Variants in ATF7IP2 observed in about 807,000 individuals in gnomAD.
The protein encoded by ATF7IP2 is activating transcription factor 7 interacting protein 2.
A neutral mutation model predicts 64.2 loss-of-function variants in ATF7IP2; 42 were observed. The observed-to-expected ratio is 0.65, with a 90% CI of 0.51 to 0.85. The LOEUF (loss-of-function observed/expected upper bound fraction) is 0.85. ATF7IP2 is among the 40% of genes least tolerant of loss of function. The pLI is 0.00. For synonymous variants in ATF7IP2, 308 were observed against 272.8 expected (o/e 1.13, Z -1.27); for missense variants, 933 against 784.2 (o/e 1.19, Z -2.27).
intron 1 of ATF7IP2, among the ~76,000 whole-genome samples, chr16:10,404,852 C>T (rs1299102475): frequency 6.6e-6 from 1 of 152,028 alleles, no homozygotes; most frequent in East Asian, 1.9e-4. Flanking sequence ...CAGAAGTAAC[C>T]TTACAAGTCA....
intron 2 of ATF7IP2, among the ~76,000 whole-genome samples, chr16:10,417,895 A>G (rs573836553): frequency 6.6e-6 from 1 of 152,352 alleles, no homozygotes; most frequent in South Asian, 2.1e-4. Context: ...TGAGGGTGTC[A>G]TAAAAAAGGT....
intron 4 of ATF7IP2, among the ~76,000 whole-genome samples, 187 bp from the exon 5 acceptor site, chr16:10,430,424 C>G (rs1215041555): frequency 1.3e-5 from 2 of 151,794 alleles, no homozygotes; most frequent in East Asian, 3.9e-4. Flanking sequence ...TTTATAGAAA[C>G]AATAGAAAAG....
chr16:10,473,433 C>G (rs958972763), intron 10 of ATF7IP2, 46 bp from the exon 11 acceptor site: 2 of 1,169,226 alleles, frequency 1.7e-6, no homozygotes, highest in Non-Finnish European at 2.5e-6. Flanking sequence ...TCACAAAGCC[C>G]ATAAATATTG....
intron 8 of ATF7IP2, among the ~76,000 whole-genome samples, chr16:10,442,526 A>G (rs1177988235): frequency 6.6e-6 from 1 of 152,210 alleles, no homozygotes; most frequent in Non-Finnish European, 1.5e-5. Flanking sequence ...CAAGGGAAGT[A>G]AAAATAGAAG....
In ATF7IP2 at chr16:10,482,481, T is replaced by C. The variant is rs2050273469; in HGVS notation, c.*232T>C. The C allele has an allele frequency of 2.7e-6, 1 of 370,958 alleles. No homozygotes were observed. Among genetic ancestry groups the C allele is most frequent in the East Asian group, 5.3e-5 (1 of 18,896 alleles). 23.0% of individuals were successfully genotyped at this position (370,958 alleles called of 1,614,324 possible). ...AACATACGCTATCATTGGCCCATGT[T>C]GCTGAGGTGCATTGTGAACAATACC... On this transcript the variant is annotated 3_prime_UTR_variant, in exon 14 of 14. Coordinates refer to ENST00000562102, the MANE Select transcript of ATF7IP2 (RefSeq NM_001393719.1).
At chr16:10,440,511 G>C in intron 8 of ATF7IP2, 49 bp downstream of exon 8, 1 of 1,068,884 alleles carries the variant, frequency 9.4e-7, no homozygotes, top group Non-Finnish European at 1.4e-6. Flanking sequence ...ACTCATATAA[G>C]TGGTTTGATT....
chr16:10,390,738 GTGT>G (rs1481525263), intron 1 of ATF7IP2, among the ~76,000 whole-genome samples: 3 of 152,098 alleles, frequency 2.0e-5, no homozygotes, highest in Non-Finnish European at 2.9e-5. Context: ...GCAGTGAGCT[GTGT>G]TCATGCCACT....
At chr16:10,476,969 C>A (rs1446981791) in intron 12 of ATF7IP2, among the ~76,000 whole-genome samples, 1 of 152,102 alleles carries the variant, frequency 6.6e-6, no homozygotes, top group Non-Finnish European at 1.5e-5. Flanking sequence ...CATATACATG[C>A]ATGTATTTTT....
chr16:10,388,991 G>C (rs1212512817), intron 1 of ATF7IP2, among the ~76,000 whole-genome samples: 1 of 150,626 alleles, frequency 6.6e-6, no homozygotes, highest in African/African-American at 2.4e-5. Flanking sequence ...CATCCTGGGC[G>C]ACAGAGCAAG....
Position 10,431,302 on chromosome 16 carries a change from C to T in ATF7IP2, c.682C>T (p.Pro228Ser), listed in dbSNP as rs1226506794. 4 of 1,614,110 alleles carry T rather than the reference C, an allele frequency of 2.5e-6. No individual in the cohort carries two copies. In the African/African-American group the frequency reaches 5.3e-5, roughly 22 times the overall value. Residue 228 changes from proline (P) to serine (S), a missense_variant, in exon 5 of 14, where the codon CCT becomes TCT. Pro to Ser is a moderately conservative substitution (Grantham distance 74). Transcript: ENST00000562102. ...ATGTTCAGAAGACTCAGGTTTTGTG[C>T]CTGTTGAGAAAACACCTAATTTGGT... The part of the protein sequence containing the change: ...ILCSEDSGFV[P>S]VEKTPNLVNS...
In ATF7IP2 at chr16:10,483,615, G is replaced by A. The variant is rs1230760949; in HGVS notation, c.*1366G>A. The A allele has an allele frequency of 1.3e-5, 2 of 152,096 alleles. No individual in the cohort carries two copies. The highest frequency in any genetic ancestry group is 2.9e-5 in the Non-Finnish European group (2 of 68,002). 9.4% of individuals were successfully genotyped at this position (152,096 alleles called of 1,614,324 possible). On this transcript the variant is annotated 3_prime_UTR_variant, in exon 14 of 14. Coordinates refer to ENST00000562102, the MANE Select transcript of ATF7IP2 (RefSeq NM_001393719.1). ...TTTTGTAAATGCTCTCACATCTGTA[G>A]CAATAAAGCTGTTATTTTCTGCAGT...
At chr16:10,391,271 T>TA (rs1396136555) in intron 1 of ATF7IP2, among the ~76,000 whole-genome samples, 1 of 151,174 alleles carries the variant, frequency 6.6e-6, no homozygotes, top group South Asian at 2.1e-4. Flanking sequence ...GCCTGGGCAA[T>TA]AAAAATTTTA....
chr16:10,472,055 T>G (rs2049820255), intron 9 of ATF7IP2, 55 bp from the exon 10 acceptor site: 1 of 947,922 alleles, frequency 1.1e-6, no homozygotes, highest in Admixed American at 2.1e-5. Flanking sequence ...ATTGCATGTT[T>G]AAGCCTGATA....
chr16:10,430,946 T>G lies in ATF7IP2; in HGVS notation c.326T>G (p.Leu109Trp). The G allele has an allele frequency of 6.2e-7, 1 of 1,614,108 alleles. No individual in the cohort carries two copies. Among genetic ancestry groups the G allele is most frequent in the South Asian group, 1.1e-5 (1 of 91,088 alleles). The change falls in exon 5 of 14, where the codon TTG becomes TGG. Residue 109 changes from leucine to tryptophan, a missense_variant. Coordinates refer to ENST00000562102, the MANE Select transcript of ATF7IP2 (RefSeq NM_001393719.1). ...VEEIVHSETK[L>W]EQVVCSYQKP... ...GAAATTGTTCATTCAGAAACAAAAT[T>G]GGAACAAGTTGTTTGTTCGTACCAA...
chr16:10,431,147 G>T lies in ATF7IP2; in HGVS notation c.527G>T (p.Gly176Val). The T allele has an allele frequency of 6.2e-7, 1 of 1,614,190 alleles. No homozygotes were observed. The highest frequency in any genetic ancestry group is 8.5e-7 in the Non-Finnish European group (1 of 1,180,036). ...SSCCPPSVLSGVVQMPESTVT... is the reference protein window; with the variant it reads ...SSCCPPSVLSVVVQMPESTVT... ...TGCTGTCCACCCAGTGTATTGAGTG[G>T]TGTTGTTCAGATGCCAGAGTCTACA... Residue 176 changes from glycine to valine, a missense_variant, in exon 5 of 14, where the codon GGT becomes GTT. By Grantham distance (109) the Gly-to-Val change is moderately radical. Coordinates refer to ENST00000562102, the MANE Select transcript of ATF7IP2 (RefSeq NM_001393719.1).
chr16:10,475,415 G>A lies in ATF7IP2; in HGVS notation c.1549+1426G>A, dbSNP rs55701252. ...ATTTTTAAAATATCCAAACTGGCTG[G>A]GCGCGGTGGCTCACGCCTGTAATCC... is the stretch of plus-strand genomic sequence containing the variant. On this transcript the variant is annotated intron_variant, in intron 12 of 13. Coordinates refer to ENST00000562102, the MANE Select transcript of ATF7IP2 (RefSeq NM_001393719.1). Among the ~76,000 whole-genome samples the A allele has an allele frequency of 2.1e-3, 321 of 152,250 alleles. 1 individual carries two copies. Among genetic ancestry groups the A allele is most frequent in the African/African-American group, 7.5e-3 (312 of 41,546 alleles).
At chr16:10,468,648 G>C (rs1189060121) in intron 9 of ATF7IP2, among the ~76,000 whole-genome samples, 8 of 152,108 alleles carry the variant, frequency 5.3e-5, no homozygotes, top group Admixed American at 5.2e-4. Context: ...GAACAGTGAA[G>C]AGAAAAAAAT....
chr16:10,441,042 G>T (rs2048601664), intron 8 of ATF7IP2, among the ~76,000 whole-genome samples: 1 of 152,098 alleles, frequency 6.6e-6, no homozygotes, highest in Non-Finnish European at 1.5e-5. Flanking sequence ...GAGAATGATG[G>T]TTTTCAGCTT....
At chr16:10,424,671 C>T (rs1271267755) in intron 3 of ATF7IP2, among the ~76,000 whole-genome samples, 1 of 152,142 alleles carries the variant, frequency 6.6e-6, no homozygotes, top group African/African-American at 2.4e-5. Context: ...TTTTTAAATT[C>T]TCAAAGAATC....
Sources: gnomAD v4.1 joint callset for allele counts (sites outside exome capture counted in the v4.1 genomes callset) on GRCh38, gnomAD v4.1.1 for gene constraint, MANE v1.5 for transcripts, NCBI Gene and HGNC (gene_info 2026-07-23, HGNC 2026-07-21) for gene names.